GALNTL6: variants seen among roughly 807,000 people sequenced by gnomAD.
The protein encoded by GALNTL6 is polypeptide N-acetylgalactosaminyltransferase like 6, also known as polypeptide N-acetylgalactosaminyltransferase-like 6.
In GALNTL6, 46 loss-of-function variants were observed where a neutral mutation model predicts 73.7. That is an observed-to-expected ratio of 0.62 (90% CI 0.49 to 0.80). The LOEUF (loss-of-function observed/expected upper bound fraction) is 0.80, where lower values mean the gene tolerates loss of function less well. Among genes scored for constraint, GALNTL6 ranks in the 30% least tolerant of loss-of-function variants. The pLI is 0.00. For synonymous variants in GALNTL6, 259 were observed against 263.7 expected (o/e 0.98, Z 0.17); for missense variants, 604 against 755.0 (o/e 0.80, Z 2.34).
intron 2 of GALNTL6, among the ~76,000 whole-genome samples, chr4:171,847,379 G>C (rs919625970): frequency 6.6e-6 from 1 of 152,156 alleles, no homozygotes; most frequent in African/African-American, 2.4e-5. Context: ...TGCTGGTAGA[G>C]AGACTTGCCT....
chr4:172,065,433 A>C (rs1413856420), intron 2 of GALNTL6, among the ~76,000 whole-genome samples: 1 of 148,182 alleles, frequency 6.7e-6, no homozygotes, highest in Non-Finnish European at 1.5e-5. Flanking sequence ...GGGGTTGGGG[A>C]CCCCTGCACT....
intron 4 of GALNTL6, among the ~76,000 whole-genome samples, chr4:172,318,618 C>T (rs1024860379): frequency 1.3e-5 from 2 of 152,146 alleles, no homozygotes; most frequent in Non-Finnish European, 2.9e-5. Flanking sequence ...AGGAGAATCA[C>T]TTGAACTCAG....
chr4:172,994,595 G>A (rs1240286078), intron 10 of GALNTL6, among the ~76,000 whole-genome samples: 2 of 152,166 alleles, frequency 1.3e-5, no homozygotes, highest in Non-Finnish European at 2.9e-5. Context: ...TCCCCTTAAA[G>A]AGCCAAGTCA....
chr4:171,872,773 G>T (rs1736174008), intron 2 of GALNTL6, among the ~76,000 whole-genome samples: 1 of 152,152 alleles, frequency 6.6e-6, no homozygotes, highest in Admixed American at 6.6e-5. Context: ...CCACCTGAAA[G>T]ATTTCATTTT....
At chr4:172,461,693 A>G (rs1350851080) in intron 5 of GALNTL6, among the ~76,000 whole-genome samples, 4 of 152,236 alleles carry the variant, frequency 2.6e-5, no homozygotes, top group Admixed American at 6.5e-5. Flanking sequence ...TACATAAAGT[A>G]TATTCAGTTG....
chr4:172,202,750 T>C (rs1193633655), intron 2 of GALNTL6, among the ~76,000 whole-genome samples: 1 of 152,226 alleles, frequency 6.6e-6, no homozygotes, highest in African/African-American at 2.4e-5. Context: ...TTTCTTGATG[T>C]AATGAATTAT....
chr4:172,149,095 A>T (rs1010215195), intron 2 of GALNTL6, among the ~76,000 whole-genome samples: 1 of 152,226 alleles, frequency 6.6e-6, no homozygotes, highest in South Asian at 2.1e-4. Flanking sequence ...GCATCAGTTT[A>T]TATTATTCTG....
intron 2 of GALNTL6, among the ~76,000 whole-genome samples, chr4:171,874,658 A>G (rs2110900971): frequency 6.6e-6 from 1 of 152,334 alleles, no homozygotes; most frequent in East Asian, 1.9e-4. Flanking sequence ...GTAGGAACAG[A>G]CACTTGCAGC....
At chr4:172,991,405 T>G (rs1020391408) in intron 10 of GALNTL6, among the ~76,000 whole-genome samples, 3 of 152,100 alleles carry the variant, frequency 2.0e-5, no homozygotes, top group Admixed American at 2.0e-4. Flanking sequence ...TTTTTTTTGT[T>G]TTTTTTGTTT....
chr4:172,712,589 T>C (rs1198182229), intron 5 of GALNTL6, among the ~76,000 whole-genome samples: 1 of 152,178 alleles, frequency 6.6e-6, no homozygotes, highest in African/African-American at 2.4e-5. Flanking sequence ...TGAGTGCCTT[T>C]CACCATCCTT....
chr4:172,889,419 G>C (rs142255284), intron 8 of GALNTL6, among the ~76,000 whole-genome samples: 52 of 152,088 alleles, frequency 3.4e-4, no homozygotes, highest in African/African-American at 1.1e-3. Flanking sequence ...TTATTATTTT[G>C]ATATATATTT....
intron 2 of GALNTL6, among the ~76,000 whole-genome samples, chr4:171,871,869 T>C (rs1736146413): frequency 6.6e-6 from 1 of 152,200 alleles, no homozygotes; most frequent in African/African-American, 2.4e-5. Context: ...CCTGTTTTCT[T>C]ATTAAGCTAA....
intron 2 of GALNTL6, among the ~76,000 whole-genome samples, chr4:172,108,066 A>C (rs1192467612): frequency 6.6e-6 from 1 of 152,178 alleles, no homozygotes; most frequent in Non-Finnish European, 1.5e-5. Flanking sequence ...CATGCTCTTT[A>C]TTACTCTGGG....
intron 5 of GALNTL6, among the ~76,000 whole-genome samples, chr4:172,613,156 G>C (rs1057335468): frequency 2.0e-5 from 3 of 152,100 alleles, no homozygotes; most frequent in Non-Finnish European, 4.4e-5. Flanking sequence ...CCCAGGATAA[G>C]AGATAGACAT....
chr4:172,852,924 C>A (rs1487453076), intron 7 of GALNTL6, among the ~76,000 whole-genome samples: 1 of 152,030 alleles, frequency 6.6e-6, no homozygotes, highest in Non-Finnish European at 1.5e-5. Context: ...AATATATATA[C>A]TAGAGGAGGG....
At chr4:172,324,572 A>G (rs533449417) in intron 4 of GALNTL6, among the ~76,000 whole-genome samples, 1 of 151,508 alleles carries the variant, frequency 6.6e-6, no homozygotes, top group East Asian at 1.9e-4. Context: ...ACCAATAAAC[A>G]GGCTTAATTT....
At chr4:172,519,420 A>G (rs1319470118) in intron 5 of GALNTL6, among the ~76,000 whole-genome samples, 1 of 151,154 alleles carries the variant, frequency 6.6e-6, no homozygotes, top group African/African-American at 2.4e-5. Context: ...TTCACCATCA[A>G]TATGGACACT....
chr4:172,826,643 G>A (rs908255009), intron 7 of GALNTL6, among the ~76,000 whole-genome samples: 79 of 152,282 alleles, frequency 5.2e-4, no homozygotes, highest in African/African-American at 1.7e-3. Flanking sequence ...TGTGGGGATG[G>A]GGGGAACGGG....
chr4:172,241,979 C>T (rs1376848787), intron 3 of GALNTL6, among the ~76,000 whole-genome samples: 1 of 152,096 alleles, frequency 6.6e-6, no homozygotes, highest in African/African-American at 2.4e-5. Flanking sequence ...AATTTCAATA[C>T]AAATTCCTTT....
Sources: gnomAD v4.1 joint callset for allele counts (sites outside exome capture counted in the v4.1 genomes callset) on GRCh38, gnomAD v4.1.1 for gene constraint, MANE v1.5 for transcripts, NCBI Gene and HGNC (gene_info 2026-07-23, HGNC 2026-07-21) for gene names.